SLC6A4: variants seen among roughly 807,000 people sequenced by gnomAD.
SLC6A4 encodes the protein sodium-dependent serotonin transporter.
SLC6A4 carries 22 observed loss-of-function variants against 73.4 expected under a neutral mutation model. The ratio of observed to expected loss-of-function variants is 0.30; its 90% CI spans 0.21 to 0.43. The LOEUF (loss-of-function observed/expected upper bound fraction) is 0.43. Ranked by LOEUF, SLC6A4 falls within the 20% of genes least tolerant of loss-of-function variation. The pLI, the probability that SLC6A4 is intolerant of heterozygous loss-of-function variation, is 1.00. For synonymous variants in SLC6A4, 270 were observed against 315.5 expected, an observed-to-expected ratio of 0.86 and a Z score of 1.53; for missense variants, 593 against 808.5, an observed-to-expected ratio of 0.73 and a Z score of 3.23.
rs772404916 is a variant in SLC6A4 at position 30,218,909 on chromosome 17, G to A, written c.366C>T (p.Thr122=). Residue 122 remains threonine (T), a synonymous_variant, in exon 4 of 15, where the codon ACC becomes ACT. Transcript: ENST00000650711. ...GGATTCCCCCAAAAATGGCCATGATGGTGTAGGGGAGGAGGAATGCCCCTG... is the reference window on the plus strand; with the variant it reads ...GGATTCCCCCAAAAATGGCCATGATAGTGTAGGGGAGGAGGAATGCCCCTG... The part of the protein sequence containing the change: ...NGGGAFLLPY[T]IMAIFGGIPL... The A allele has an allele frequency of 1.2e-6, 2 of 1,614,144 alleles. No individual in the cohort carries two copies. Among genetic ancestry groups the A allele is most frequent in the Admixed American group, 1.7e-5 (1 of 60,024 alleles).
At chr17:30,206,151 T>A (rs191548678) in intron 13 of SLC6A4, 1 of 147,688 alleles carries the variant, frequency 6.8e-6, no homozygotes, top group East Asian at 2.0e-4. Context: ...CAAAGAGATG[T>A]CCTAAAACAA....
chr17:30,203,404 C>T (rs1054960961), intron 13 of SLC6A4, 65 bp from the exon 14 acceptor site: 9 of 1,330,102 alleles, frequency 6.8e-6, no homozygotes, highest in African/African-American at 1.5e-5. Context: ...GAGATGTTTC[C>T]GATACCACAA....
intron 14 of SLC6A4, among the ~76,000 whole-genome samples, chr17:30,199,552 C>T (rs1286491300): frequency 6.6e-6 from 1 of 152,078 alleles, no homozygotes; most frequent in Admixed American, 6.6e-5. Flanking sequence ...GGAGTTTGTT[C>T]TTTAAGAAAT....
In SLC6A4 at chr17:30,215,730, G is replaced by T. The variant is rs768203704; in HGVS notation, c.973-16C>A. On this transcript the variant is annotated splice_polypyrimidine_tract_variant and intron_variant, in intron 7 of 14. Coordinates refer to ENST00000650711, the MANE Select transcript of SLC6A4 (RefSeq NM_001045.6). ...CTATCCACACCTGGAACACAGCAGG[G>T]GTAAGGGCATGGGGTGAGGGGGAGA... 6.2e-7 allele frequency: 1 copy of T among 1,608,340 alleles called. No individual in the cohort carries two copies. Among genetic ancestry groups the T allele is most frequent in the Non-Finnish European group, 8.5e-7 (1 of 1,175,056 alleles).
At position 30,212,690 on chromosome 17, in the gene SLC6A4, C is replaced by G. The variant is rs201669099; in HGVS notation, c.1204+50G>C. Reference sequence around the variant, plus strand: ...GTTAGATCTTTACAAAGATTCAAAGCAAAGCAACTCAGTAGGAGCAAGGGA... The same window carrying G: ...GTTAGATCTTTACAAAGATTCAAAGGAAAGCAACTCAGTAGGAGCAAGGGA... On this transcript the variant is annotated intron_variant, in intron 9 of 14. Coordinates refer to ENST00000650711, the MANE Select transcript of SLC6A4 (RefSeq NM_001045.6). 8.2e-6 allele frequency: 13 copies of G among 1,588,482 alleles called. No homozygotes were observed. In the East Asian group the frequency reaches 2.7e-4, roughly 33 times the overall value.
intron 8 of SLC6A4, among the ~76,000 whole-genome samples, chr17:30,214,362 T>C (rs57738051): frequency 7.6e-6 from 1 of 131,406 alleles, no homozygotes; most frequent in Non-Finnish European, 1.5e-5. Flanking sequence ...GCAGAGGTTG[T>C]GGTGAGCTGA....
intron 1 of SLC6A4, among the ~76,000 whole-genome samples, chr17:30,226,432 G>A (rs566602815): frequency 6.6e-6 from 1 of 152,382 alleles, no homozygotes; most frequent in African/African-American, 2.4e-5. Context: ...GGGCCAGCTG[G>A]CTCACGCCTG....
intron 2 of SLC6A4, 144 bp from the exon 3 acceptor site, chr17:30,222,225 T>C (rs897504305): frequency 9.1e-6 from 5 of 548,264 alleles, no homozygotes; most frequent in South Asian, 4.0e-5. Flanking sequence ...ATTTGCTACA[T>C]GGCAGTCCAT....
chr17:30,201,653 C>T (rs1567814846), intron 14 of SLC6A4, among the ~76,000 whole-genome samples: 1 of 152,122 alleles, frequency 6.6e-6, no homozygotes, highest in Non-Finnish European at 1.5e-5. Flanking sequence ...GGAGAGTGTG[C>T]GGGAAGCAGC....
intron 3 of SLC6A4, among the ~76,000 whole-genome samples, chr17:30,219,458 C>T (rs768337030): frequency 3.3e-5 from 5 of 152,196 alleles, no homozygotes; most frequent in African/African-American, 4.8e-5. Context: ...GAACAGATCA[C>T]CTGTGACAAT....
intron 1 of SLC6A4, among the ~76,000 whole-genome samples, chr17:30,225,873 GT>G (rs1439845723): frequency 2.0e-5 from 3 of 152,142 alleles, no homozygotes; most frequent in African/African-American, 7.2e-5. Context: ...CTGACTCCAA[GT>G]AAAAAAGGAC....
At chr17:30,204,742 T>G (rs942485590) in intron 13 of SLC6A4, among the ~76,000 whole-genome samples, 113 of 152,192 alleles carry the variant, frequency 7.4e-4, no homozygotes, top group African/African-American at 2.6e-3. Flanking sequence ...AGGGGATCTG[T>G]TAAGTGAACG....
At chr17:30,198,592 G>T in intron 14 of SLC6A4, 62 bp from the exon 15 acceptor site, 5 of 909,884 alleles carry the variant, frequency 5.5e-6, no homozygotes, top group Non-Finnish European at 9.0e-6. Flanking sequence ...TGCAAAAATA[G>T]TCAACATTAA....
chr17:30,208,956 C>A (rs1374835031), intron 12 of SLC6A4, among the ~76,000 whole-genome samples, 187 bp downstream of exon 12: 1 of 151,922 alleles, frequency 6.6e-6, no homozygotes, highest in African/African-American at 2.4e-5. Flanking sequence ...CCTGTGTCAG[C>A]CTCCCAAAAT....
intron 5 of SLC6A4, among the ~76,000 whole-genome samples, chr17:30,217,610 A>C (rs1906618412): frequency 6.6e-6 from 1 of 152,172 alleles, no homozygotes; most frequent in Admixed American, 6.5e-5. Flanking sequence ...AGGGATGTGT[A>C]AGTGTGGGGA....
In SLC6A4 at chr17:30,218,198, A is replaced by G; in HGVS notation, c.618T>C (p.Thr206=). The part of the protein sequence containing the change: ...PWTSCKNSWN[T]GNCTNYFSED... ...CGGAGAAGTAATTGGTGCAGTTGCC[A>G]GTGTTCCAGGAGTTCTTGCAGCTGG... Residue 206 remains threonine, a synonymous_variant, in exon 5 of 15, where the codon ACT becomes ACC. Transcript: ENST00000650711. 1 of 1,614,214 alleles carries G rather than the reference A, an allele frequency of 6.2e-7. No individual in the cohort carries two copies. The highest frequency in any genetic ancestry group is 8.5e-7 in the Non-Finnish European group (1 of 1,180,024).
At chr17:30,203,914 C>T (rs1309012521) in intron 13 of SLC6A4, among the ~76,000 whole-genome samples, 1 of 152,196 alleles carries the variant, frequency 6.6e-6, no homozygotes, top group Non-Finnish European at 1.5e-5. Flanking sequence ...TGTCCTTCTC[C>T]CATTTTCCTG....
chr17:30,199,828 T>G (rs1905976929), intron 14 of SLC6A4, among the ~76,000 whole-genome samples: 1 of 151,908 alleles, frequency 6.6e-6, no homozygotes, highest in Non-Finnish European at 1.5e-5. Flanking sequence ...GACTAACATG[T>G]GAACTATACC....
rs1366898854 is a variant in SLC6A4 at position 30,235,472 on chromosome 17, G to C, written c.-221+141C>G. 1.3e-5 allele frequency: 2 copies of C among 152,246 alleles called. No homozygotes were observed. Among genetic ancestry groups the C allele is most frequent in the Non-Finnish European group, 2.9e-5 (2 of 68,068 alleles). The allele number at this position is 152,246 out of a possible 1,614,324, so 9.4% of individuals were successfully genotyped here. A position where few individuals can be genotyped will look rare whatever the true frequency, so the allele number is the denominator to read the frequency against. The stretch of plus-strand genomic sequence containing the variant: ...CGTGGAGGGCGCAGGGGCAGGATCC[G>C]GCGCCCACCGCTGGGGCGCATGCAC... On this transcript the variant is annotated intron_variant, in intron 1 of 14. Transcript: ENST00000650711. The surrounding 1 kb of genome is among the most constrained non-coding windows in gnomAD (Gnocchi z 4.5).
Sources: gnomAD v4.1 joint callset for allele counts (sites outside exome capture counted in the v4.1 genomes callset) on GRCh38, gnomAD v4.1.1 for gene constraint, Gnocchi (gnomAD v3.1) non-coding constraint, MANE v1.5 for transcripts, NCBI Gene and HGNC (gene_info 2026-07-23, HGNC 2026-07-21) for gene names.